The following TFB1M variants were observed in gnomAD, a reference collection of about 807,000 sequenced individuals.
TFB1M encodes dimethyladenosine transferase 1, mitochondrial.
A neutral mutation model predicts 31.1 loss-of-function variants in TFB1M; 27 were observed. The observed-to-expected ratio is 0.87, with a 90% CI of 0.64 to 1.20. The LOEUF is 1.20. Among genes scored for constraint, TFB1M ranks in the 50% most tolerant of loss-of-function variants. The probability of loss-of-function intolerance (pLI) is 0.00; values close to 1 mark genes in which losing one functional copy is unlikely to be tolerated. For synonymous variants in TFB1M, 166 were observed against 151.8 expected, an observed-to-expected ratio of 1.09 and a Z score of -0.69; for missense variants, 394 against 418.7, an observed-to-expected ratio of 0.94 and a Z score of 0.51.
downstream of TFB1M, chr6:155,252,801 A>G (rs1258385347): frequency 6.2e-6 from 4 of 649,012 alleles, no homozygotes; most frequent in South Asian, 7.8e-5. Context: ...CTGGGTGCGT[A>G]GCTGATTGAC....
chr6:155,272,453 T>C (rs1452576626), intron 5 of TFB1M, among the ~76,000 whole-genome samples: 1 of 152,008 alleles, frequency 6.6e-6, no homozygotes, highest in East Asian at 1.9e-4. Context: ...GTTTTCACTG[T>C]AGACCATGTA....
chr6:155,283,466 C>CT (rs1223175763), intron 5 of TFB1M, among the ~76,000 whole-genome samples: 1 of 152,134 alleles, frequency 6.6e-6, no homozygotes, highest in African/African-American at 2.4e-5. Context: ...ACATAGCTAG[C>CT]TTTTTTCCAA....
chr6:155,308,830 G>A (rs780097421), intron 2 of TFB1M, among the ~76,000 whole-genome samples: 2 of 151,940 alleles, frequency 1.3e-5, no homozygotes, highest in Non-Finnish European at 2.9e-5. Context: ...TCACTAAAAT[G>A]GTATCCTTAA....
At chr6:155,254,767 A>G (rs777743859), downstream of TFB1M, 14 of 621,056 alleles carry the variant, frequency 2.3e-5, no homozygotes, top group Non-Finnish European at 3.5e-5. Flanking sequence ...CCCAACCCCC[A>G]GTCCCTTGTC....
At chr6:155,295,376 A>G (rs1298072942) in intron 4 of TFB1M, among the ~76,000 whole-genome samples, 1 of 151,958 alleles carries the variant, frequency 6.6e-6, no homozygotes, top group Non-Finnish European at 1.5e-5. Flanking sequence ...AAAAAAAAAA[A>G]GGACAAAACT....
At position 155,303,862 on chromosome 6, in the gene TFB1M, A is replaced by C. The variant is rs1039444551; in HGVS notation, c.286-5277T>G. Among the ~76,000 whole-genome samples the C allele has an allele frequency of 1.1e-4, 16 of 152,200 alleles. No homozygotes were observed. The South Asian group carries it at 3.1e-3, about 30-fold the overall frequency. ...AAGAGAACTATTATTCCCATGCTGCAGATGAGAAAGTTGAAGCTAAAAAAG... is the reference window on the plus strand; with the variant it reads ...AAGAGAACTATTATTCCCATGCTGCCGATGAGAAAGTTGAAGCTAAAAAAG... On this transcript the variant is annotated intron_variant, in intron 2 of 6. Transcript: ENST00000367166.
chr6:155,252,070 C>A, downstream of TFB1M: 1 of 1,319,340 alleles, frequency 7.6e-7, no homozygotes, highest in South Asian at 1.3e-5. Context: ...TAACGTTGAA[C>A]TGAAAAGCCC....
At chr6:155,289,368 C>G (rs77226326) in intron 4 of TFB1M, among the ~76,000 whole-genome samples, 1,533 of 152,254 alleles carry the variant, frequency 0.01, 28 homozygotes, top group African/African-American at 0.035. Context: ...TTCAGCCTTC[C>G]CTGTAACTAC....
intron 5 of TFB1M, among the ~76,000 whole-genome samples, chr6:155,274,470 T>G (rs1199338452): frequency 6.6e-6 from 1 of 152,240 alleles, no homozygotes; most frequent in Non-Finnish European, 1.5e-5. Flanking sequence ...CACATACAAC[T>G]AATGATGTGG....
chr6:155,278,319 T>C (rs1785313863), intron 5 of TFB1M, among the ~76,000 whole-genome samples: 1 of 152,248 alleles, frequency 6.6e-6, no homozygotes, highest in African/African-American at 2.4e-5. Context: ...TAACAAACTA[T>C]GAATTTAATA....
Position 155,256,889 on chromosome 6 carries a change from C to G in TFB1M, c.*947G>C. On this transcript the variant is annotated 3_prime_UTR_variant, in exon 7 of 7. Transcript: ENST00000367166. ...GAGGGTCAGAAAGGAGGAGAGCAGC[C>G]CAAACTGGTCCGGGGGCACTTCTGC... is the stretch of plus-strand genomic sequence containing the variant. 1.9e-6 allele frequency: 3 copies of G among 1,614,178 alleles called. No individual in the cohort carries two copies. The highest frequency in any genetic ancestry group is 1.1e-5 in the South Asian group (1 of 91,084).
chr6:155,249,381 G>T, the TFB1M span, among the ~76,000 whole-genome samples: 1 of 152,160 alleles, frequency 6.6e-6, no homozygotes, highest in Non-Finnish European at 1.5e-5. Context: ...TCGAGAGCTG[G>T]TGCCCTAAGC....
the TFB1M span, among the ~76,000 whole-genome samples, chr6:155,235,528 C>T: frequency 2.7e-4 from 41 of 152,338 alleles, no homozygotes; most frequent in South Asian, 7.5e-3. Context: ...GTAAACATCA[C>T]GAACAGTGGG....
At chr6:155,265,711 ATATT>A (rs1026637724) in intron 5 of TFB1M, among the ~76,000 whole-genome samples, 12 of 146,136 alleles carry the variant, frequency 8.2e-5, no homozygotes, top group Non-Finnish European at 7.5e-5. Context: ...AATATTAAAT[ATATT>A]TATATATAAT....
the TFB1M span, chr6:155,244,896 T>C: frequency 3.9e-6 from 5 of 1,291,092 alleles, no homozygotes; most frequent in Non-Finnish European, 5.3e-6. Flanking sequence ...ATTGACTATT[T>C]ATTGTCCTGT....
chr6:155,245,218 G>A, the TFB1M span, among the ~76,000 whole-genome samples: 5 of 152,218 alleles, frequency 3.3e-5, no homozygotes, highest in East Asian at 1.9e-4. Flanking sequence ...CATAGCATCC[G>A]TGTAAGCCGC....
At chr6:155,284,072 C>G (rs889171809) in intron 5 of TFB1M, among the ~76,000 whole-genome samples, 1 of 152,198 alleles carries the variant, frequency 6.6e-6, no homozygotes, top group South Asian at 2.1e-4. Flanking sequence ...TTAGAAAAAG[C>G]TGACAATTAT....
intron 5 of TFB1M, among the ~76,000 whole-genome samples, chr6:155,268,940 A>G (rs1171448853): frequency 6.8e-6 from 1 of 146,188 alleles, no homozygotes; most frequent in East Asian, 2.0e-4. Flanking sequence ...CCCAAGAATG[A>G]TCAATTAAAA....
intron 2 of TFB1M, among the ~76,000 whole-genome samples, chr6:155,299,298 T>C (rs1777324163): frequency 6.6e-6 from 1 of 152,176 alleles, no homozygotes. Flanking sequence ...AAAAAAGCAC[T>C]TTTTCCCTTG....
Sources: gnomAD v4.1 joint callset for allele counts (sites outside exome capture counted in the v4.1 genomes callset) on GRCh38, gnomAD v4.1.1 for gene constraint, MANE v1.5 for transcripts, NCBI Gene and HGNC (gene_info 2026-07-23, HGNC 2026-07-21) for gene names.